Variants in LGSN observed in about 807,000 individuals in gnomAD.
The protein encoded by LGSN is lengsin.
A neutral mutation model predicts 19.5 loss-of-function variants in LGSN; 21 were observed. The observed-to-expected ratio is 1.07, with a 90% CI of 0.76 to 1.55. LGSN has a LOEUF of 1.55. LGSN is among the 40% of genes most tolerant of loss of function. The pLI, the probability that LGSN is intolerant of heterozygous loss-of-function variation, is 0.00. For missense variants in LGSN, 673 were observed against 608.5 expected (o/e 1.11, Z -1.12); for synonymous variants, 257 against 215.6 (o/e 1.19, Z -1.68).
At chr6:63,510,055 A>G in the LGSN span, among the ~76,000 whole-genome samples, 1 of 152,248 alleles carries the variant, frequency 6.6e-6, no homozygotes, top group African/African-American at 2.4e-5. Flanking sequence ...GTTAAAATTA[A>G]TATTGGGGCA....
chr6:63,313,859 A>C (rs1368241358), intron 1 of LGSN, among the ~76,000 whole-genome samples: 9 of 151,162 alleles, frequency 6.0e-5, no homozygotes, highest in African/African-American at 2.0e-4. Flanking sequence ...TAAATAAATA[A>C]ATAAATAAAT....
At chr6:63,419,774 G>A in the LGSN span, among the ~76,000 whole-genome samples, 2 of 150,504 alleles carry the variant, frequency 1.3e-5, no homozygotes, top group African/African-American at 4.9e-5. Flanking sequence ...TATAATCCCA[G>A]CTACTCGGGA....
the LGSN span, among the ~76,000 whole-genome samples, chr6:63,502,967 G>T: frequency 6.6e-6 from 1 of 152,152 alleles, no homozygotes; most frequent in Admixed American, 6.6e-5. Context: ...ATCAATCGAT[G>T]TCAGATATTT....
At chr6:63,345,727 C>T in the LGSN span, among the ~76,000 whole-genome samples, 1 of 152,122 alleles carries the variant, frequency 6.6e-6, no homozygotes, top group Non-Finnish European at 1.5e-5. Flanking sequence ...CACATGGCGA[C>T]CTTACTCCAA....
chr6:63,302,291 T>C (rs1423284315), intron 1 of LGSN, among the ~76,000 whole-genome samples: 1 of 152,230 alleles, frequency 6.6e-6, no homozygotes, highest in Non-Finnish European at 1.5e-5. Context: ...AATTTCCTTG[T>C]CAATTGCATC....
At chr6:63,445,270 C>T in the LGSN span, among the ~76,000 whole-genome samples, 4 of 152,080 alleles carry the variant, frequency 2.6e-5, no homozygotes, top group African/African-American at 9.7e-5. Flanking sequence ...GAGATCGCGT[C>T]ATTGCACTCC....
At chr6:63,390,277 G>T in the LGSN span, among the ~76,000 whole-genome samples, 26 of 151,358 alleles carry the variant, frequency 1.7e-4, no homozygotes, top group South Asian at 5.2e-3. Context: ...TTAAAGACAT[G>T]CACCACCACT....
At chr6:63,288,963 C>A (rs1767660813) in intron 2 of LGSN, among the ~76,000 whole-genome samples, 1 of 152,204 alleles carries the variant, frequency 6.6e-6, no homozygotes, top group South Asian at 2.1e-4. Context: ...TGGAGGAACA[C>A]CATTCAACAC....
At chr6:63,488,813 A>C in the LGSN span, among the ~76,000 whole-genome samples, 1 of 151,954 alleles carries the variant, frequency 6.6e-6, no homozygotes, top group African/African-American at 2.4e-5. Flanking sequence ...GCAAGACTCC[A>C]TCTCAGAGAA....
chr6:63,479,105 C>T, the LGSN span, among the ~76,000 whole-genome samples: 2 of 152,218 alleles, frequency 1.3e-5, no homozygotes, highest in African/African-American at 4.8e-5. Flanking sequence ...GAAATGCTAA[C>T]TTAACTGGTT....
chr6:63,318,174 CTG>C (rs1768937953), intron 1 of LGSN, among the ~76,000 whole-genome samples: 1 of 152,116 alleles, frequency 6.6e-6, no homozygotes, highest in South Asian at 2.1e-4. Flanking sequence ...AGATTAATAA[CTG>C]TTCATTTTAC....
chr6:63,434,392 A>G, the LGSN span, among the ~76,000 whole-genome samples: 1 of 148,870 alleles, frequency 6.7e-6, no homozygotes, highest in Admixed American at 6.8e-5. Flanking sequence ...GTGAGCCGAG[A>G]TCGCACCACT....
chr6:63,419,139 C>A, the LGSN span, among the ~76,000 whole-genome samples: 1 of 152,090 alleles, frequency 6.6e-6, no homozygotes, highest in Non-Finnish European at 1.5e-5. Context: ...ATCCAGGGAT[C>A]TTATCACTGT....
the LGSN span, among the ~76,000 whole-genome samples, chr6:63,529,144 T>C: frequency 8.2e-6 from 1 of 121,458 alleles, no homozygotes; most frequent in East Asian, 2.2e-4. Context: ...TGTGTATATA[T>C]ATATGTATAT....
the LGSN span, among the ~76,000 whole-genome samples, chr6:63,472,927 C>T: frequency 4.2e-4 from 64 of 151,548 alleles, no homozygotes; most frequent in South Asian, 3.3e-3. Context: ...GGCAACAGAG[C>T]GAGACTCTGT....
At chr6:63,295,127 T>C (rs1285209612) in intron 1 of LGSN, 82 bp from the exon 2 acceptor site, 51 of 1,318,144 alleles carry the variant, frequency 3.9e-5, no homozygotes, top group Non-Finnish European at 5.3e-5. Flanking sequence ...TATATTTGAA[T>C]AGCTCAATTT....
At chr6:63,554,455 T>G in the LGSN span, among the ~76,000 whole-genome samples, 1 of 152,000 alleles carries the variant, frequency 6.6e-6, no homozygotes, top group Non-Finnish European at 1.5e-5. Flanking sequence ...CCAGCCTGAA[T>G]TAGGTATCTC....
the LGSN span, among the ~76,000 whole-genome samples, chr6:63,416,932 TACACACAC>T: frequency 1.4e-4 from 21 of 147,908 alleles, no homozygotes; most frequent in South Asian, 4.3e-4. Context: ...CATATGTATG[TACACACAC>T]ACACACACAC....
chr6:63,552,884 T>TCTGTTTTGGTACCAGTACCGTG, the LGSN span, among the ~76,000 whole-genome samples: 7 of 152,056 alleles, frequency 4.6e-5, no homozygotes, highest in Non-Finnish European at 8.8e-5. Context: ...GTTCTGTATC[T>TCTGTTTTGGTACCAGTACCGTG]CTGTTTTGGT....
Sources: gnomAD v4.1 joint callset for allele counts (sites outside exome capture counted in the v4.1 genomes callset) on GRCh38, gnomAD v4.1.1 for gene constraint, MANE v1.5 for transcripts, NCBI Gene and HGNC (gene_info 2026-07-23, HGNC 2026-07-21) for gene names.